Variants in CSMD1 observed in about 807,000 individuals in gnomAD.
The protein encoded by CSMD1 is CUB and Sushi multiple domains 1.
Under a neutral mutation model 417.5 loss-of-function variants are expected in CSMD1, and 213 were observed. The ratio of observed to expected loss-of-function variants is 0.51; its 90% CI spans 0.46 to 0.57. The LOEUF (loss-of-function observed/expected upper bound fraction) is 0.57, where lower values mean the gene tolerates loss of function less well. CSMD1 is among the 20% of genes least tolerant of loss of function. CSMD1 has a pLI of 0.00. For missense variants in CSMD1, 6,923 were observed against 4,529.7 expected, an observed-to-expected ratio of 1.53 and a Z score of -15.17; for synonymous variants, 2,862 against 1,736.8, an observed-to-expected ratio of 1.65 and a Z score of -16.11.
At chr8:3,920,325 G>C (rs1203493947) in intron 5 of CSMD1, among the ~76,000 whole-genome samples, 1 of 151,720 alleles carries the variant, frequency 6.6e-6, no homozygotes, top group African/African-American at 2.4e-5. Context: ...GTGAGCCACC[G>C]TACGTGCCCT....
At chr8:4,957,983 C>A (rs74910684) in intron 1 of CSMD1, among the ~76,000 whole-genome samples, 3,848 of 152,100 alleles carry the variant, frequency 0.025, 143 homozygotes, top group African/African-American at 0.087. Context: ...TTATTTTTTC[C>A]ATAATTGTGT....
Position 3,506,133 on chromosome 8 carries a change from G to A in CSMD1, c.1345-12407C>T, listed in dbSNP as rs554416910. Reference sequence around the variant, plus strand: ...TCGGAGGCCAGGTGATAGGTGCGGCGGCCAGCAGAGGAAGTGCCAGGGAGG... The same window carrying A: ...TCGGAGGCCAGGTGATAGGTGCGGCAGCCAGCAGAGGAAGTGCCAGGGAGG... On this transcript the variant is annotated intron_variant, in intron 10 of 69. Coordinates refer to ENST00000635120, the MANE Select transcript of CSMD1 (RefSeq NM_033225.6). Among the ~76,000 whole-genome samples the A allele has an allele frequency of 9.2e-5, 14 of 152,238 alleles. No individual in the cohort carries two copies. The East Asian group carries it at 1.5e-3, about 17-fold the overall frequency.
intron 7 of CSMD1, among the ~76,000 whole-genome samples, chr8:3,627,925 T>C (rs1250164572): frequency 6.6e-6 from 1 of 152,226 alleles, no homozygotes; most frequent in African/African-American, 2.4e-5. Context: ...TTCATTCAGA[T>C]ACCACAAGTT....
At chr8:4,094,238 C>A (rs748947386) in intron 3 of CSMD1, among the ~76,000 whole-genome samples, 1 of 151,920 alleles carries the variant, frequency 6.6e-6, no homozygotes, top group South Asian at 2.1e-4. Flanking sequence ...GTAACCTGGA[C>A]AAGTTGACTG....
chr8:4,984,441 G>C (rs956671966), intron 1 of CSMD1, among the ~76,000 whole-genome samples: 5 of 152,190 alleles, frequency 3.3e-5, no homozygotes, highest in African/African-American at 9.7e-5. Flanking sequence ...TGTCTGAGAA[G>C]GGTGGCCCTG....
chr8:3,953,032 A>C (rs1234791810), intron 5 of CSMD1, among the ~76,000 whole-genome samples: 4 of 152,168 alleles, frequency 2.6e-5, no homozygotes, highest in African/African-American at 7.2e-5. Flanking sequence ...AGGTTTACTA[A>C]AGACAAAATT....
intron 30 of CSMD1, among the ~76,000 whole-genome samples, chr8:3,205,875 G>C (rs1282577540): frequency 1.3e-5 from 2 of 151,968 alleles, no homozygotes; most frequent in Non-Finnish European, 2.9e-5. Flanking sequence ...AAAATAATAA[G>C]GGAAACATCT....
intron 5 of CSMD1, among the ~76,000 whole-genome samples, chr8:3,792,806 T>A (rs1018026084): frequency 1.3e-5 from 2 of 152,218 alleles, no homozygotes; most frequent in Non-Finnish European, 2.9e-5. Flanking sequence ...ATATTGATAA[T>A]GACAGAGAAA....
At chr8:3,614,173 G>A (rs1802026249) in intron 8 of CSMD1, among the ~76,000 whole-genome samples, 2 of 151,898 alleles carry the variant, frequency 1.3e-5, no homozygotes, top group South Asian at 4.2e-4. Context: ...AGGTGTTATG[G>A]CATTTGATTT....
intron 7 of CSMD1, among the ~76,000 whole-genome samples, chr8:3,636,759 C>G (rs935491202): frequency 7.9e-5 from 12 of 152,160 alleles, no homozygotes; most frequent in Admixed American, 1.3e-4. Context: ...GGGAGTAAGG[C>G]AGAGAGGTTC....
chr8:4,262,964 C>T (rs1803988724), intron 3 of CSMD1, among the ~76,000 whole-genome samples: 1 of 152,086 alleles, frequency 6.6e-6, no homozygotes, highest in Non-Finnish European at 1.5e-5. Context: ...ACTGAGTCTC[C>T]AAGTAGAATC....
At chr8:3,204,363 TG>T (rs761164673) in intron 31 of CSMD1, among the ~76,000 whole-genome samples, 6 of 151,996 alleles carry the variant, frequency 3.9e-5, no homozygotes, top group East Asian at 1.9e-4. Flanking sequence ...AAGACTTTTT[TG>T]TGATAATCAG....
At position 4,599,891 on chromosome 8, in the gene CSMD1, A is replaced by G. The variant is rs551272561; in HGVS notation, c.302+37451T>C. Among the ~76,000 whole-genome samples the G allele has an allele frequency of 6.6e-5, 10 of 152,320 alleles. No homozygotes were observed. In the East Asian group the frequency reaches 1.9e-3, roughly 29 times the overall value. On this transcript the variant is annotated intron_variant, in intron 2 of 69. Coordinates refer to ENST00000635120, the MANE Select transcript of CSMD1 (RefSeq NM_033225.6). ...AAGTTACATTCAAAGAGTTTTTTGTAAACTGCTCAAAGTAGCATAATTCAT... is the reference window on the plus strand; with the variant it reads ...AAGTTACATTCAAAGAGTTTTTTGTGAACTGCTCAAAGTAGCATAATTCAT...
At chr8:4,446,490 G>C (rs745547551) in intron 2 of CSMD1, among the ~76,000 whole-genome samples, 89 of 152,250 alleles carry the variant, frequency 5.8e-4, no homozygotes, top group Middle Eastern at 3.4e-3. Context: ...GAGGCTGCAG[G>C]GATCTGTGAT....
chr8:4,773,680 G>T (rs1287573717), intron 1 of CSMD1, among the ~76,000 whole-genome samples: 2 of 152,042 alleles, frequency 1.3e-5, no homozygotes, highest in African/African-American at 4.8e-5. Context: ...TTTATCGTCA[G>T]GCTTTGCACG....
In CSMD1 at chr8:4,214,597, C is replaced by T. The variant is rs555870870; in HGVS notation, c.416-182498G>A. Among the ~76,000 whole-genome samples the T allele has an allele frequency of 8.2e-4, 125 of 152,172 alleles. 2 individuals carry two copies. In the South Asian group the frequency reaches 0.014, roughly 17 times the overall value. On this transcript the variant is annotated intron_variant, in intron 3 of 69. Coordinates refer to ENST00000635120, the MANE Select transcript of CSMD1 (RefSeq NM_033225.6). ...ACAGGCATGAGCCACTGTGCCTGGC[C>T]CACCTTATTAGAATTTTGAACAGAA...
intron 1 of CSMD1, among the ~76,000 whole-genome samples, chr8:4,848,937 T>C (rs912417911): frequency 6.6e-6 from 1 of 152,256 alleles, no homozygotes; most frequent in Non-Finnish European, 1.5e-5. Flanking sequence ...AAGGTACTTG[T>C]TCTACTTATA....
intron 11 of CSMD1, among the ~76,000 whole-genome samples, chr8:3,479,667 A>C (rs933065875): frequency 2.0e-5 from 3 of 152,228 alleles, no homozygotes; most frequent in Non-Finnish European, 4.4e-5. Context: ...AAAAATATAA[A>C]TAGTACCTAG....
chr8:4,632,687 G>T (rs144594182), intron 2 of CSMD1, among the ~76,000 whole-genome samples: 1 of 152,306 alleles, frequency 6.6e-6, no homozygotes, highest in African/African-American at 2.4e-5. Context: ...TGAGTTCAAA[G>T]GAGTACAGGC....
Sources: allele counts gnomAD v4.1 joint callset (sites outside exome capture counted in the v4.1 genomes callset), GRCh38; gene constraint gnomAD v4.1.1; transcripts MANE v1.5; gene names NCBI Gene and HGNC (gene_info 2026-07-23, HGNC 2026-07-21).